TOLLIP: variants seen among roughly 807,000 people sequenced by gnomAD.
TOLLIP encodes the protein toll-interacting protein.
A neutral mutation model predicts 33.5 loss-of-function variants in TOLLIP; 16 were observed. The observed-to-expected ratio is 0.48, with a 90% confidence interval of 0.32 to 0.72. The LOEUF (loss-of-function observed/expected upper bound fraction) is 0.72, where lower values mean the gene tolerates loss of function less well. Ranked by LOEUF, TOLLIP falls within the 30% of genes least tolerant of loss-of-function variation. The probability of loss-of-function intolerance (pLI) is 0.03; values close to 1 mark genes in which losing one functional copy is unlikely to be tolerated. For synonymous variants in TOLLIP, 176 were observed against 163.7 expected, an observed-to-expected ratio of 1.07 and a Z score of -0.57; for missense variants, 325 against 396.6, an observed-to-expected ratio of 0.82 and a Z score of 1.53.
intron 2 of TOLLIP, among the ~76,000 whole-genome samples, chr11:1,293,770 G>C (rs554604897): frequency 5.3e-5 from 8 of 152,232 alleles, no homozygotes; most frequent in African/African-American, 1.7e-4. Flanking sequence ...AGTGCCCTGC[G>C]GTCACCAGGC....
In TOLLIP at chr11:1,295,732, C is replaced by A. The variant is rs756820124; in HGVS notation, c.96G>T (p.Gln32His). The change falls in exon 2 of 6, where the codon CAG becomes CAT. Residue 32 changes from glutamine to histidine, a missense_variant. By Grantham distance (24) the Gln-to-His change is conservative. Transcript: ENST00000317204. ...GGGCCGCCTGGGCGTCCAGCTGGAC[C>A]TGCCGCTGCTGCTGTGTGGGCGTGA... The part of the protein sequence containing the change: ...LRITPTQQQR[Q>H]VQLDAQAAQQ... 3.7e-6 allele frequency: 6 copies of A among 1,609,784 alleles called. No homozygotes were observed. The highest frequency in any genetic ancestry group is 4.2e-6 in the Non-Finnish European group (5 of 1,178,442).
At chr11:1,304,753 T>C (rs185423253) in intron 1 of TOLLIP, among the ~76,000 whole-genome samples, 2 of 152,250 alleles carry the variant, frequency 1.3e-5, no homozygotes, top group Non-Finnish European at 2.9e-5. Context: ...ATAAAACAAC[T>C]GAATTTTTTA....
chr11:1,290,858 T>C lies in TOLLIP; in HGVS notation c.184-449A>G, dbSNP rs964551877. On this transcript the variant is annotated intron_variant, in intron 2 of 5. Transcript: ENST00000317204. The surrounding 1 kb of genome is among the most constrained non-coding windows in gnomAD (Gnocchi z 4.9). ...GGTGCATCCTCGCTCTAGGTGAGAG[T>C]GAGGACACCTGCTGCACATAATTCA... The C allele has an allele frequency of 6.2e-6, 1 of 160,356 alleles. No homozygotes were observed. The highest frequency in any genetic ancestry group is 2.4e-5 in the African/African-American group (1 of 41,634). 9.9% of individuals were successfully genotyped at this position (160,356 alleles called of 1,614,324 possible).
chr11:1,284,849 T>C (rs1325693245), intron 5 of TOLLIP, among the ~76,000 whole-genome samples: 2 of 152,146 alleles, frequency 1.3e-5, no homozygotes, highest in African/African-American at 4.8e-5. Flanking sequence ...TGAACACCAG[T>C]GGACAGCCCA....
intron 2 of TOLLIP, among the ~76,000 whole-genome samples, chr11:1,293,473 A>T (rs948353282): frequency 6.6e-6 from 1 of 152,196 alleles, no homozygotes; most frequent in Non-Finnish European, 1.5e-5. Flanking sequence ...GGAGACAACA[A>T]GGGGAAGCAG....
intron 5 of TOLLIP, among the ~76,000 whole-genome samples, chr11:1,284,550 C>A (rs571811563): frequency 6.6e-6 from 1 of 152,158 alleles, no homozygotes; most frequent in Non-Finnish European, 1.5e-5. Context: ...GGGGTTTCAC[C>A]GTGTTGGCCA....
rs144024538 is a variant in TOLLIP, at chr11:1,288,638, C to G, written c.505G>C (p.Val169Leu). 6.2e-7 allele frequency: 1 copy of G among 1,612,388 alleles called. No individual in the cohort carries two copies. Among genetic ancestry groups the G allele is most frequent in the East Asian group, 2.2e-5 (1 of 44,872 alleles). Residue 169 changes from valine (V) to leucine (L), a missense_variant, in exon 4 of 6, where the codon GTC becomes CTC. By Grantham distance (32) the Val-to-Leu change is conservative (BLOSUM62 1). Coordinates refer to ENST00000317204, the MANE Select transcript of TOLLIP (RefSeq NM_019009.4). ...GTGCAGCTCACCGCGTAGGACATGA[C>G]GAGGTTGATCATGCCCTCCTTGTCG... The part of the protein sequence containing the change: ...GDDKEGMINL[V>L]MSYALLPAAM...
In TOLLIP at chr11:1,286,169, CAATTGCCCTCCCCACGCCAGCCCAG is replaced by C. The variant is rs1184898381; in HGVS notation, c.520-102_520-78del. On this transcript the variant is annotated intron_variant, in intron 4 of 5. Coordinates refer to ENST00000317204, the MANE Select transcript of TOLLIP (RefSeq NM_019009.4). ...AGAACCTCGGGAATCGCCCTCCCCACAATTGCCCTCCCCACGCCAGCCCAGAATCGCCCTCCCCATGCCAGCCCAG... is the reference window on the plus strand; with the variant it reads ...AGAACCTCGGGAATCGCCCTCCCCACAATCGCCCTCCCCATGCCAGCCCAG... The C allele has an allele frequency of 5.2e-5, 60 of 1,142,978 alleles. No homozygotes were observed. The African/African-American group carries it at 8.6e-4, about 16-fold the overall frequency. The allele number at this position is 1,142,978 out of a possible 1,614,324, so 70.8% of individuals were successfully genotyped here.
intron 4 of TOLLIP, among the ~76,000 whole-genome samples, chr11:1,286,399 G>A (rs796652025): frequency 1.3e-5 from 2 of 152,122 alleles, no homozygotes; most frequent in African/African-American, 4.8e-5. Flanking sequence ...GTGTCGAGTC[G>A]GCCTGGGGGG....
intron 4 of TOLLIP, among the ~76,000 whole-genome samples, chr11:1,288,134 T>C (rs938555507): frequency 6.6e-6 from 1 of 152,078 alleles, no homozygotes; most frequent in African/African-American, 2.4e-5. Context: ...AGGCCTCGAC[T>C]TCCTGACCCT....
At chr11:1,296,647 G>A (rs915519510) in intron 1 of TOLLIP, among the ~76,000 whole-genome samples, 84 of 143,940 alleles carry the variant, frequency 5.8e-4, no homozygotes, top group Admixed American at 7.5e-4. Flanking sequence ...GTTGCTGGAG[G>A]AGTGGGATGG....
chr11:1,290,262 C>T lies in TOLLIP; in HGVS notation c.331G>A (p.Gly111Ser). 1 of 1,613,512 alleles carries T rather than the reference C, an allele frequency of 6.2e-7. No individual in the cohort carries two copies. Among genetic ancestry groups the T allele is most frequent in the Non-Finnish European group, 8.5e-7 (1 of 1,179,962 alleles). ...ATCTCGAGATAGAAAGAGTCCACGCCTGGGGGCACCGTGCAGTGGATGACC... is the reference window on the plus strand; with the variant it reads ...ATCTCGAGATAGAAAGAGTCCACGCTTGGGGGCACCGTGCAGTGGATGACC... ...NKVIHCTVPPGVDSFYLEIFD... is the reference protein window; with the variant it reads ...NKVIHCTVPPSVDSFYLEIFD... Residue 111 changes from glycine (G) to serine (S), a missense_variant, in exon 3 of 6, where the codon GGC becomes AGC. Physicochemically the swap from Gly to Ser is moderately conservative, Grantham distance 56. Coordinates refer to ENST00000317204, the MANE Select transcript of TOLLIP (RefSeq NM_019009.4). This position sits in a 1 kb window ranked among gnomAD's most constrained non-coding sequence, Gnocchi z 4.9.
Position 1,277,380 on chromosome 11 carries a change from A to C in TOLLIP, c.611-127T>G. The C allele has an allele frequency of 1.4e-6, 1 of 706,978 alleles. No homozygotes were observed. The allele number at this position is 706,978 out of a possible 1,614,324, so 43.8% of individuals were successfully genotyped here. A position where few individuals can be genotyped will look rare whatever the true frequency, so the allele number is the denominator to read the frequency against. On this transcript the variant is annotated intron_variant, in intron 5 of 5. Coordinates refer to ENST00000317204, the MANE Select transcript of TOLLIP (RefSeq NM_019009.4). The surrounding 1 kb of genome is among the most constrained non-coding windows in gnomAD (Gnocchi z 4.2). ...TGAGGAAGGGGCCACCTCGGGTCTCAGCAAACACCAGTCCCGCAAGACACC... is the reference window on the plus strand; with the variant it reads ...TGAGGAAGGGGCCACCTCGGGTCTCCGCAAACACCAGTCCCGCAAGACACC...
chr11:1,287,132 C>T (rs1012703553), intron 4 of TOLLIP, among the ~76,000 whole-genome samples: 5 of 151,894 alleles, frequency 3.3e-5, no homozygotes, highest in African/African-American at 4.8e-5. Context: ...GTCACTGCAC[C>T]GCTGTCTTCT....
At chr11:1,294,226 C>T (rs1864039184) in intron 2 of TOLLIP, among the ~76,000 whole-genome samples, 1 of 140,312 alleles carries the variant, frequency 7.1e-6, no homozygotes, top group African/African-American at 2.8e-5. Context: ...GTCTCCTTTC[C>T]CTGCATTTCT....
At chr11:1,281,103 C>T (rs960998681) in intron 5 of TOLLIP, among the ~76,000 whole-genome samples, 10 of 152,320 alleles carry the variant, frequency 6.6e-5, no homozygotes, top group Non-Finnish European at 1.5e-4. Context: ...GCTAAAAAAC[C>T]CCCTATAACC....
chr11:1,302,676 C>T (rs1008331191), intron 1 of TOLLIP: 25 of 986,778 alleles, frequency 2.5e-5, no homozygotes, highest in Non-Finnish European at 2.5e-5. Flanking sequence ...CAGCCAGCCT[C>T]GGCCTCATGC....
chr11:1,286,133 A>G (rs1158255444), intron 4 of TOLLIP, 41 bp from the exon 5 acceptor site: 1 of 1,489,568 alleles, frequency 6.7e-7, no homozygotes, highest in East Asian at 2.4e-5. Context: ...AAGGAGGAAC[A>G]TCCACCCATC....
Position 1,288,516 on chromosome 11 carries a change from G to A in TOLLIP, c.519+108C>T, listed in dbSNP as rs534263699. On this transcript the variant is annotated intron_variant, in intron 4 of 5. Transcript: ENST00000317204. ...CAGAACGTGAGCCCTGCTGTTTTAT[G>A]GGCTCAGTGCCTCCAGGAAAGAGAC... is the stretch of plus-strand genomic sequence containing the variant. 39 of 1,349,606 alleles carry A rather than the reference G, an allele frequency of 2.9e-5. No homozygotes were observed. In the East Asian group the frequency reaches 8.1e-4, roughly 28 times the overall value. 83.6% of individuals were successfully genotyped at this position (1,349,606 alleles called of 1,614,324 possible). A position where few individuals can be genotyped will look rare whatever the true frequency, so the allele number is the denominator to read the frequency against.
Sources: gnomAD v4.1 joint callset for allele counts (sites outside exome capture counted in the v4.1 genomes callset) on GRCh38, gnomAD v4.1.1 for gene constraint, Gnocchi (gnomAD v3.1) non-coding constraint, MANE v1.5 for transcripts, NCBI Gene and HGNC (gene_info 2026-07-23, HGNC 2026-07-21) for gene names.